Variants in SVOP observed in about 807,000 individuals in gnomAD.
The protein encoded by SVOP is SV2 related protein.
A neutral mutation model predicts 69.1 loss-of-function variants in SVOP; 17 were observed. The ratio of observed to expected loss-of-function variants is 0.25; its 90% CI spans 0.17 to 0.37. The LOEUF (loss-of-function observed/expected upper bound fraction) is 0.37, where lower values mean the gene tolerates loss of function less well. Ranked by LOEUF, SVOP falls within the 10% of genes least tolerant of loss-of-function variation. The pLI is 1.00. For missense variants in SVOP, 435 were observed against 597.5 expected, an observed-to-expected ratio of 0.73 and a Z score of 2.84; for synonymous variants, 238 against 238.6, an observed-to-expected ratio of 1.00 and a Z score of 0.02.
chr12:108,947,197 G>A (rs1566054498), intron 6 of SVOP, among the ~76,000 whole-genome samples: 3 of 152,080 alleles, frequency 2.0e-5, no homozygotes, highest in Admixed American at 2.0e-4. Context: ...CCTGGAGTCT[G>A]TCATCACCTT....
intron 6 of SVOP, among the ~76,000 whole-genome samples, chr12:108,953,239 C>T (rs1473974323): frequency 6.7e-6 from 1 of 149,400 alleles, no homozygotes; most frequent in African/African-American, 2.5e-5. Context: ...ACCTCCACCT[C>T]CTGGGTTCAA....
intron 1 of SVOP, among the ~76,000 whole-genome samples, chr12:109,001,164 A>G (rs2040266895): frequency 3.7e-5 from 1 of 26,678 alleles, no homozygotes; most frequent in Non-Finnish European, 1.1e-4. Flanking sequence ...CTTATACACC[A>G]ATAACAGACA....
chr12:108,961,878 C>T (rs143510208), intron 5 of SVOP, among the ~76,000 whole-genome samples: 1,627 of 152,130 alleles, frequency 0.011, 17 homozygotes, highest in Non-Finnish European at 0.015. Flanking sequence ...CTTTCTTTTT[C>T]TCATTAACAA....
rs367826874 is a variant in SVOP at position 108,917,991 on chromosome 12, C to T, written c.1350+52G>A. ...TCTGGAAGCAGAGCATCCCCCACAG[C>T]CACTCTCCCCCCACTGCCCGTTCCC... On this transcript the variant is annotated intron_variant, in intron 14 of 15. Transcript: ENST00000610966. 7.1e-6 allele frequency: 10 copies of T among 1,414,672 alleles called. No homozygotes were observed. The African/African-American group carries it at 1.0e-4, about 14-fold the overall frequency. The allele number at this position is 1,414,672 out of a possible 1,614,324, so 87.6% of individuals were successfully genotyped here. A position where few individuals can be genotyped will look rare whatever the true frequency, so the allele number is the denominator to read the frequency against.
At position 108,977,408 on chromosome 12, in the gene SVOP, A is replaced by C. The variant is rs1168718223; in HGVS notation, c.371T>G (p.Leu124Trp). ...TGCTGGGCTGCCTACCGAGGTCAGC[A>C]ATGCCACCTGCCAGCTTGGGAGCCT... ...EWRLPSWQVA[L>W]LTSVVFVGMM... The change falls in exon 4 of 16, where the codon TTG (leucine) becomes TGG (tryptophan). Residue 124 changes from leucine (L) to tryptophan (W), a missense_variant. Physicochemically the swap from Leu to Trp is moderately conservative, Grantham distance 61. Coordinates refer to ENST00000610966, the MANE Select transcript of SVOP (RefSeq NM_018711.5). 1 of 1,537,178 alleles carries C rather than the reference A, an allele frequency of 6.5e-7. No homozygotes were observed. Among genetic ancestry groups the C allele is most frequent in the Admixed American group, 2.0e-5 (1 of 50,998 alleles).
At chr12:108,977,974 G>A (rs1287296413) in intron 3 of SVOP, among the ~76,000 whole-genome samples, 5 of 152,044 alleles carry the variant, frequency 3.3e-5, no homozygotes, top group Admixed American at 1.3e-4. Flanking sequence ...ATTAAACATC[G>A]TGTACCTTTA....
At chr12:108,983,256 CCAT>C (rs1420713323) in intron 2 of SVOP, among the ~76,000 whole-genome samples, 60 of 150,066 alleles carry the variant, frequency 4.0e-4, no homozygotes, top group African/African-American at 1.3e-3. Flanking sequence ...ATCATCCTCA[CCAT>C]CATCATCATT....
At chr12:108,954,112 T>TG (rs2039972703) in intron 6 of SVOP, among the ~76,000 whole-genome samples, 1 of 56,788 alleles carries the variant, frequency 1.8e-5, no homozygotes, top group African/African-American at 1.2e-4. Context: ...AGAATCTGTC[T>TG]CAAAAAAAAA....
chr12:108,990,395 A>C lies in SVOP; in HGVS notation c.36-6634T>G, dbSNP rs569541252. Among the ~76,000 whole-genome samples the C allele has an allele frequency of 3.9e-5, 6 of 152,170 alleles. No homozygotes were observed. The South Asian group carries it at 1.2e-3, about 32-fold the overall frequency. On this transcript the variant is annotated intron_variant, in intron 1 of 15. Coordinates refer to ENST00000610966, the MANE Select transcript of SVOP (RefSeq NM_018711.5). ...ATCATTGATGGACATTATTCTCAGC[A>C]AACTATCGCAAGGACAAAAAACCAA...
chr12:108,985,118 T>C (rs956542434), intron 1 of SVOP, among the ~76,000 whole-genome samples: 1 of 151,984 alleles, frequency 6.6e-6, no homozygotes, highest in Non-Finnish European at 1.5e-5. Context: ...TCCCAGCTAC[T>C]TGGGAGGCTG....
chr12:108,926,777 A>T (rs1469215847), intron 11 of SVOP, among the ~76,000 whole-genome samples: 2 of 152,186 alleles, frequency 1.3e-5, no homozygotes, highest in Admixed American at 6.5e-5. Flanking sequence ...GATTGCCTGT[A>T]TATGTGTTTG....
chr12:108,931,244 T>C (rs4964286), intron 11 of SVOP, among the ~76,000 whole-genome samples: 10,015 of 152,236 alleles, frequency 0.066, 845 homozygotes, highest in Admixed American at 0.26. Flanking sequence ...ACTATGATTA[T>C]AGAGGCCTAA....
In SVOP at chr12:108,915,785, G is replaced by T; in HGVS notation, c.1438C>A (p.Gln480Lys). 6.2e-7 allele frequency: 1 copy of T among 1,603,314 alleles called. No individual in the cohort carries two copies. Among genetic ancestry groups the T allele is most frequent in the East Asian group, 2.3e-5 (1 of 44,266 alleles). The part of the protein sequence containing the change: ...VGALITPFIA[Q>K]VMLESSVYLT... ...CTGTATTTGGGGGCAGCACCTACCT[G>T]GGCGATGAACGGAGTGATGAGAGCA... is the stretch of plus-strand genomic sequence containing the variant. The change falls in exon 15 of 16, where the codon CAG (glutamine) becomes AAG (lysine). Residue 480 changes from glutamine to lysine, a missense_variant and splice_region_variant. Coordinates refer to ENST00000610966, the MANE Select transcript of SVOP (RefSeq NM_018711.5).
At chr12:108,922,295 T>C (rs778707228) in intron 12 of SVOP, among the ~76,000 whole-genome samples, 2 of 152,222 alleles carry the variant, frequency 1.3e-5, no homozygotes, top group Non-Finnish European at 2.9e-5. Flanking sequence ...TCCCTAAGCT[T>C]GGGGTTCCCC....
intron 3 of SVOP, 125 bp downstream of exon 3, chr12:108,978,453 G>C (rs1402511912): frequency 5.2e-6 from 3 of 579,700 alleles, no homozygotes; most frequent in Non-Finnish European, 9.2e-6. Flanking sequence ...AAATTTTGTT[G>C]ATTGAAATTC....
At chr12:108,981,547 G>C (rs983622544) in intron 2 of SVOP, among the ~76,000 whole-genome samples, 3 of 111,224 alleles carry the variant, frequency 2.7e-5, no homozygotes, top group African/African-American at 7.4e-5. Flanking sequence ...GAACAAGGTC[G>C]TGGGTAAGAA....
intron 4 of SVOP, among the ~76,000 whole-genome samples, chr12:108,976,430 C>T (rs1240077627): frequency 1.3e-5 from 2 of 152,182 alleles, no homozygotes; most frequent in Non-Finnish European, 2.9e-5. Context: ...CCTCATCTTG[C>T]TCAACTAATC....
chr12:109,018,105 G>A (rs75509797), intron 1 of SVOP, among the ~76,000 whole-genome samples: 2,137 of 110,678 alleles, frequency 0.019, 22 homozygotes, highest in African/African-American at 0.1. Context: ...AGAATGGATG[G>A]ATGAATGAAT....
At chr12:108,974,105 C>T (rs947353230) in intron 4 of SVOP, among the ~76,000 whole-genome samples, 3 of 152,132 alleles carry the variant, frequency 2.0e-5, no homozygotes, top group East Asian at 1.9e-4. Flanking sequence ...TGAGTTCTAA[C>T]AAAACTCCTT....
Sources: allele counts gnomAD v4.1 joint callset (sites outside exome capture counted in the v4.1 genomes callset), GRCh38; gene constraint gnomAD v4.1.1; transcripts MANE v1.5; gene names NCBI Gene and HGNC (gene_info 2026-07-23, HGNC 2026-07-21).